The following SNTG1 variants were observed in gnomAD, a reference collection of about 807,000 sequenced individuals.
The protein encoded by SNTG1 is syntrophin gamma 1, also known as gamma-1-syntrophin.
Under a neutral mutation model 74.7 loss-of-function variants are expected in SNTG1, and 39 were observed. The observed-to-expected ratio is 0.52, with a 90% confidence interval of 0.40 to 0.68. The LOEUF (loss-of-function observed/expected upper bound fraction) is 0.68, where lower values mean the gene tolerates loss of function less well. Among genes scored for constraint, SNTG1 ranks in the 30% least tolerant of loss-of-function variants. SNTG1 has a pLI of 0.00. For missense variants in SNTG1, 685 were observed against 609.5 expected, an observed-to-expected ratio of 1.12 and a Z score of -1.30; for synonymous variants, 254 against 217.1, an observed-to-expected ratio of 1.17 and a Z score of -1.49.
chr8:50,755,070 G>A (rs188414874), intron 18 of SNTG1, among the ~76,000 whole-genome samples: 6 of 151,904 alleles, frequency 3.9e-5, no homozygotes, highest in Admixed American at 1.3e-4. Context: ...CCACCAGAGG[G>A]GGGGATGAAG....
intron 18 of SNTG1, chr8:50,762,453 C>A: frequency 3.4e-6 from 1 of 297,870 alleles, no homozygotes; most frequent in South Asian, 3.6e-5. Flanking sequence ...ACTCACGGGA[C>A]ATTCTGTTTT....
At chr8:50,320,210 G>A (rs1447620688) in intron 2 of SNTG1, among the ~76,000 whole-genome samples, 1 of 152,084 alleles carries the variant, frequency 6.6e-6, no homozygotes, top group East Asian at 1.9e-4. Flanking sequence ...TCTGTTCAGG[G>A]ATTGTATTTC....
intron 13 of SNTG1, among the ~76,000 whole-genome samples, chr8:50,594,176 T>G (rs935668477): frequency 1.3e-5 from 2 of 152,196 alleles, no homozygotes; most frequent in African/African-American, 4.8e-5. Context: ...CTCAATGTAT[T>G]AGAGGTAAAG....
At chr8:50,381,397 A>G (rs1162528048) in intron 2 of SNTG1, among the ~76,000 whole-genome samples, 5 of 151,616 alleles carry the variant, frequency 3.3e-5, no homozygotes, top group East Asian at 1.9e-4. Flanking sequence ...AAAATTTCAT[A>G]TCTGAATAAG....
At chr8:50,122,234 G>A (rs2081020486) in intron 1 of SNTG1, among the ~76,000 whole-genome samples, 1 of 142,188 alleles carries the variant, frequency 7.0e-6, no homozygotes, top group African/African-American at 2.5e-5. Flanking sequence ...GGCATCCTTG[G>A]TAACTTGTGC....
At chr8:50,366,369 C>T (rs539833138) in intron 2 of SNTG1, among the ~76,000 whole-genome samples, 13 of 152,144 alleles carry the variant, frequency 8.5e-5, no homozygotes, top group South Asian at 4.1e-4. Context: ...TGTGCAGTTA[C>T]GTTTAAATTG....
intron 1 of SNTG1, among the ~76,000 whole-genome samples, chr8:49,998,242 T>G (rs1019715124): frequency 6.6e-6 from 1 of 152,154 alleles, no homozygotes; most frequent in Admixed American, 6.6e-5. Flanking sequence ...CTTGCAGGAC[T>G]TGCCGTGGCT....
intron 1 of SNTG1, among the ~76,000 whole-genome samples, chr8:49,973,158 T>C (rs1353940062): frequency 1.3e-5 from 2 of 152,122 alleles, no homozygotes; most frequent in African/African-American, 4.8e-5. Context: ...ATGTGGCACA[T>C]ATACACCATG....
intron 17 of SNTG1, among the ~76,000 whole-genome samples, chr8:50,712,056 A>G (rs902919905): frequency 1.3e-5 from 2 of 152,230 alleles, no homozygotes; most frequent in African/African-American, 4.8e-5. Flanking sequence ...AGTTAAACAG[A>G]AACCTCATCA....
In SNTG1 at chr8:50,534,816, T is replaced by A. The variant is rs186573431; in HGVS notation, c.550-1862T>A. 1.7e-3 allele frequency among the ~76,000 whole-genome samples: 264 copies of A among 152,224 alleles called. 1 individual carries two copies. The highest frequency in any genetic ancestry group is 5.9e-3 in the African/African-American group (244 of 41,532). ...AAAACCTTCTGTTTTTCCTTTCAAA[T>A]ATGAACATAGTAATAGCTTTGTTTT... On this transcript the variant is annotated intron_variant, in intron 10 of 18. Transcript: ENST00000642720.
At chr8:50,609,309 G>A (rs1350737865) in intron 13 of SNTG1, among the ~76,000 whole-genome samples, 1 of 152,030 alleles carries the variant, frequency 6.6e-6, no homozygotes, top group Non-Finnish European at 1.5e-5. Flanking sequence ...AGTTTTATTA[G>A]AAATTGAAAT....
intron 15 of SNTG1, among the ~76,000 whole-genome samples, chr8:50,677,382 T>G (rs559536464): frequency 1.3e-5 from 2 of 152,074 alleles, no homozygotes; most frequent in East Asian, 3.9e-4. Context: ...GTTAGTAAAA[T>G]TTTATATGGA....
intron 2 of SNTG1, among the ~76,000 whole-genome samples, chr8:50,316,985 G>A (rs77248573): frequency 0.05 from 7,614 of 152,242 alleles, 263 homozygotes; most frequent in Non-Finnish European, 0.079. Flanking sequence ...TGCTAAAGAA[G>A]CAATGATTAT....
chr8:50,714,227 T>G (rs1241066570), intron 17 of SNTG1, among the ~76,000 whole-genome samples: 1 of 152,088 alleles, frequency 6.6e-6, no homozygotes, highest in Non-Finnish European at 1.5e-5. Context: ...CATGCTGACT[T>G]GGTTACTGTA....
At chr8:50,775,349 A>T (rs536942175) in intron 18 of SNTG1, among the ~76,000 whole-genome samples, 12 of 151,748 alleles carry the variant, frequency 7.9e-5, no homozygotes, top group African/African-American at 2.9e-4. Flanking sequence ...TTTTATTGTT[A>T]TTCAGTTCAA....
intron 1 of SNTG1, among the ~76,000 whole-genome samples, chr8:49,935,340 A>G (rs752105372): frequency 5.4e-5 from 8 of 148,756 alleles, no homozygotes; most frequent in Non-Finnish European, 1.0e-4. Context: ...TGCATGTCTT[A>G]GGGGATTCCC....
intron 3 of SNTG1, among the ~76,000 whole-genome samples, chr8:50,400,570 C>T (rs530559624): frequency 6.6e-6 from 1 of 152,234 alleles, no homozygotes; most frequent in African/African-American, 2.4e-5. Flanking sequence ...TTTAAGGAAT[C>T]TTCATACTGT....
intron 2 of SNTG1, among the ~76,000 whole-genome samples, chr8:50,323,661 T>C (rs1197466696): frequency 3.9e-5 from 6 of 152,174 alleles, no homozygotes; most frequent in African/African-American, 1.4e-4. Context: ...TCTCCCTGTG[T>C]TGAGCCACCA....
chr8:50,485,350 T>A lies in SNTG1; in HGVS notation c.364-17428T>A, dbSNP rs76513622. Among the ~76,000 whole-genome samples the A allele has an allele frequency of 2.0e-4, 31 of 152,230 alleles. No homozygotes were observed. The East Asian group carries it at 5.8e-3, about 29-fold the overall frequency. On this transcript the variant is annotated intron_variant, in intron 8 of 18. Transcript: ENST00000642720. The stretch of plus-strand genomic sequence containing the variant: ...TGAATCCTTTTATGCAGACTAGATT[T>A]GGGCCAGGGTTTTTTACATAATGCT...
Sources: allele counts gnomAD v4.1 joint callset (sites outside exome capture counted in the v4.1 genomes callset), GRCh38; gene constraint gnomAD v4.1.1; transcripts MANE v1.5; gene names NCBI Gene and HGNC (gene_info 2026-07-23, HGNC 2026-07-21).